Variants in INPP4B observed in about 807,000 individuals in gnomAD.
The protein encoded by INPP4B is inositol polyphosphate 4-phosphatase type II.
A neutral mutation model predicts 122.5 loss-of-function variants in INPP4B; 55 were observed. The observed-to-expected ratio is 0.45, with a 90% CI of 0.36 to 0.56. The LOEUF (loss-of-function observed/expected upper bound fraction) is 0.56, where lower values mean the gene tolerates loss of function less well. Ranked by LOEUF, INPP4B falls within the 20% of genes least tolerant of loss-of-function variation. INPP4B has a pLI of 0.00. For missense variants in INPP4B, 1,000 were observed against 1,097.7 expected (o/e 0.91, Z 1.26); for synonymous variants, 403 against 388.7 (o/e 1.04, Z -0.43).
intron 2 of INPP4B, chr4:142,654,573 G>T (rs180998665): frequency 2.0e-5 from 3 of 152,028 alleles, no homozygotes; most frequent in African/African-American, 7.2e-5. Context: ...ATTTCAAGAG[G>T]CTTGCTTGAT....
At chr4:142,070,104 C>A (rs1044492682) in intron 25 of INPP4B, among the ~76,000 whole-genome samples, 1 of 152,126 alleles carries the variant, frequency 6.6e-6, no homozygotes, top group Non-Finnish European at 1.5e-5. Context: ...ACTGGCAAAC[C>A]AAATCCGGCA....
At chr4:142,494,141 CT>C (rs1560720705) in intron 2 of INPP4B, among the ~76,000 whole-genome samples, 1 of 152,104 alleles carries the variant, frequency 6.6e-6, no homozygotes, top group Non-Finnish European at 1.5e-5. Flanking sequence ...TTCCTGAGGC[CT>C]CCCCAGTCAT....
At position 142,246,133 on chromosome 4, in the gene INPP4B, C is replaced by T. The variant is rs1291523601; in HGVS notation, c.689-8122G>A. 2.7e-5 allele frequency among the ~76,000 whole-genome samples: 4 copies of T among 148,544 alleles called. 1 individual carries two copies. Among genetic ancestry groups the T allele is most frequent in the African/African-American group, 1.0e-4 (4 of 39,766 alleles). On this transcript the variant is annotated intron_variant, in intron 11 of 25. Coordinates refer to ENST00000262992, the MANE Select transcript of INPP4B (RefSeq NM_001101669.3). ...ATATATATATGTGTATGTATACACACACATATATATATACATATATGTGTT... is the reference window on the plus strand; with the variant it reads ...ATATATATATGTGTATGTATACACATACATATATATATACATATATGTGTT...
At chr4:142,381,493 A>C (rs1355326327) in intron 7 of INPP4B, among the ~76,000 whole-genome samples, 1 of 152,088 alleles carries the variant, frequency 6.6e-6, no homozygotes, top group Non-Finnish European at 1.5e-5. Context: ...TCTGAATTGC[A>C]AATAATTTTT....
chr4:142,510,726 C>T (rs1314793688), intron 2 of INPP4B, among the ~76,000 whole-genome samples: 1 of 152,076 alleles, frequency 6.6e-6, no homozygotes, highest in Non-Finnish European at 1.5e-5. Flanking sequence ...ATTTGTCTTA[C>T]TCCTTATTTT....
At chr4:142,154,139 T>A (rs1815908488) in intron 17 of INPP4B, among the ~76,000 whole-genome samples, 1 of 151,960 alleles carries the variant, frequency 6.6e-6, no homozygotes, top group South Asian at 2.1e-4. Flanking sequence ...TGAGAGTGAA[T>A]GCTTTGAGTG....
intron 14 of INPP4B, among the ~76,000 whole-genome samples, chr4:142,198,150 A>C (rs1839139544): frequency 6.6e-6 from 1 of 152,084 alleles, no homozygotes; most frequent in Admixed American, 6.6e-5. Context: ...AAAAATAAAA[A>C]AAATGATTAA....
At chr4:142,029,777 G>A in intron 25 of INPP4B, 1 of 999,848 alleles carries the variant, frequency 1.0e-6, no homozygotes, top group Non-Finnish European at 1.2e-6. Flanking sequence ...TTCAGTGTTT[G>A]TGCAAATTTC....
chr4:142,493,605 G>T (rs1363995964), intron 2 of INPP4B, among the ~76,000 whole-genome samples: 1 of 152,180 alleles, frequency 6.6e-6, no homozygotes, highest in Admixed American at 6.5e-5. Flanking sequence ...CTTGCATGAA[G>T]CCTGTAGCCC....
chr4:142,822,593 C>T (rs1482884257), intron 1 of INPP4B, among the ~76,000 whole-genome samples: 3 of 152,000 alleles, frequency 2.0e-5, no homozygotes, highest in Non-Finnish European at 4.4e-5. Context: ...TGAGGTGGAA[C>T]TGTTTCATCC....
At chr4:142,264,996 C>T (rs1039865093) in intron 10 of INPP4B, among the ~76,000 whole-genome samples, 7 of 152,040 alleles carry the variant, frequency 4.6e-5, no homozygotes, top group Non-Finnish European at 1.0e-4. Context: ...CTCCCTCTCT[C>T]TCCCTCCCCC....
chr4:142,584,064 A>G (rs150125587), intron 2 of INPP4B, among the ~76,000 whole-genome samples: 28 of 152,144 alleles, frequency 1.8e-4, no homozygotes, highest in Admixed American at 3.3e-4. Flanking sequence ...GGCCCTTCTT[A>G]TTCTATATGC....
At chr4:142,782,522 G>T (rs111570937) in intron 1 of INPP4B, among the ~76,000 whole-genome samples, 11,744 of 150,876 alleles carry the variant, frequency 0.078, 507 homozygotes, top group Middle Eastern at 0.12. Flanking sequence ...TGGGTCAAAT[G>T]GTATTTCTAG....
intron 24 of INPP4B, among the ~76,000 whole-genome samples, chr4:142,085,090 C>A (rs996538121): frequency 6.6e-6 from 1 of 152,158 alleles, no homozygotes; most frequent in Non-Finnish European, 1.5e-5. Context: ...AGCGACATTT[C>A]ATATTGTTAC....
chr4:142,308,278 G>T (rs1394084442), intron 8 of INPP4B, among the ~76,000 whole-genome samples: 1 of 152,158 alleles, frequency 6.6e-6, no homozygotes, highest in Non-Finnish European at 1.5e-5. Flanking sequence ...AATCAATCTG[G>T]ATAACGATGG....
At chr4:142,305,171 T>A (rs1182694832) in intron 9 of INPP4B, among the ~76,000 whole-genome samples, 1 of 152,224 alleles carries the variant, frequency 6.6e-6, no homozygotes, top group Non-Finnish European at 1.5e-5. Context: ...AACATGATCA[T>A]AATTTATATT....
intron 9 of INPP4B, among the ~76,000 whole-genome samples, chr4:142,290,195 C>CTTTTTTTTTT (rs35260066): frequency 9.0e-5 from 7 of 77,502 alleles, no homozygotes; most frequent in African/African-American, 1.3e-4. Context: ...TTCTTTCTTC[C>CTTTTTTTTTT]TTTTTTTTTT....
At chr4:142,406,953 C>G (rs1000959464) in intron 5 of INPP4B, among the ~76,000 whole-genome samples, 16 of 152,084 alleles carry the variant, frequency 1.1e-4, no homozygotes, top group Non-Finnish European at 1.3e-4. Flanking sequence ...CTTGGCATGC[C>G]GACCTGCCCT....
chr4:142,661,682 C>A (rs1755195434), intron 2 of INPP4B, among the ~76,000 whole-genome samples: 1 of 152,176 alleles, frequency 6.6e-6, no homozygotes, highest in South Asian at 2.1e-4. Flanking sequence ...TTAAGGATGA[C>A]TATTTAAAAC....
Sources: gnomAD v4.1 joint callset for allele counts (sites outside exome capture counted in the v4.1 genomes callset) on GRCh38, gnomAD v4.1.1 for gene constraint, MANE v1.5 for transcripts, NCBI Gene and HGNC (gene_info 2026-07-23, HGNC 2026-07-21) for gene names.